Variants in RFX2 observed in about 807,000 individuals in gnomAD.
RFX2 encodes the protein regulatory factor X2, also known as DNA-binding protein RFX2.
In RFX2, 20 loss-of-function variants were observed where a neutral mutation model predicts 87.8. The observed-to-expected ratio is 0.23, with a 90% CI of 0.16 to 0.33. The LOEUF is 0.33. RFX2 is among the 10% of genes least tolerant of loss of function. RFX2 has a pLI of 1.00. For missense variants in RFX2, 767 were observed against 1,012.3 expected (o/e 0.76, Z 3.29); for synonymous variants, 397 against 431.3 (o/e 0.92, Z 0.98).
At chr19:6,043,088 A>T (rs1434186728) in intron 3 of RFX2, among the ~76,000 whole-genome samples, 6 of 152,146 alleles carry the variant, frequency 3.9e-5, no homozygotes, top group Non-Finnish European at 5.9e-5. Context: ...AGGGGTTAAC[A>T]TCTGTTGGGT....
At chr19:6,000,608 T>C (rs2086478155) in intron 15 of RFX2, among the ~76,000 whole-genome samples, 1 of 152,252 alleles carries the variant, frequency 6.6e-6, no homozygotes, top group Non-Finnish European at 1.5e-5. Context: ...GTGATGGTTT[T>C]ATAAAGGCGA....
intron 1 of RFX2, among the ~76,000 whole-genome samples, chr19:6,090,475 A>G (rs1297902610): frequency 6.6e-6 from 1 of 152,062 alleles, no homozygotes; most frequent in Non-Finnish European, 1.5e-5. Flanking sequence ...CAGAAACACA[A>G]ATAAGAACCA....
intron 1 of RFX2, among the ~76,000 whole-genome samples, chr19:6,081,739 G>C (rs2144859940): frequency 6.6e-6 from 1 of 152,264 alleles, no homozygotes; most frequent in East Asian, 1.9e-4. Flanking sequence ...GATCACCTGA[G>C]GTCGGGAGTT....
At chr19:6,019,374 T>G (rs1167000229) in intron 6 of RFX2, among the ~76,000 whole-genome samples, 2 of 152,022 alleles carry the variant, frequency 1.3e-5, no homozygotes, top group Admixed American at 1.3e-4. Context: ...GGAGGCAGTG[T>G]TGCTTTTTTC....
intron 1 of RFX2, among the ~76,000 whole-genome samples, chr19:6,093,398 G>C (rs1020151992): frequency 1.3e-5 from 2 of 152,168 alleles, no homozygotes; most frequent in African/African-American, 2.4e-5. Context: ...TGCCGGGCGT[G>C]GTGGCACATG....
Position 6,013,975 on chromosome 19 carries a change from C to A in RFX2, c.780-870G>T, listed in dbSNP as rs1277227144. Among the ~76,000 whole-genome samples, 1 of 152,170 alleles carries A rather than the reference C, an allele frequency of 6.6e-6. No homozygotes were observed. The highest frequency in any genetic ancestry group is 1.5e-5 in the Non-Finnish European group (1 of 68,028). ...TATTATTAACAACTCTTCCCCACCC[C>A]CTTCAATCATCTAGTAACACGTTTT... On this transcript the variant is annotated intron_variant, in intron 7 of 17. Transcript: ENST00000303657. The surrounding 1 kb of genome is among the most constrained non-coding windows in gnomAD (Gnocchi z 4.1).
chr19:6,007,650 T>G lies in RFX2; in HGVS notation c.1247+40A>C. 2 of 1,257,986 alleles carry G rather than the reference T, an allele frequency of 1.6e-6. No individual in the cohort carries two copies. The highest frequency in any genetic ancestry group is 2.3e-6 in the Non-Finnish European group (2 of 879,656). The allele number at this position is 1,257,986 out of a possible 1,614,324, so 77.9% of individuals were successfully genotyped here. On this transcript the variant is annotated intron_variant, in intron 11 of 17. Coordinates refer to ENST00000303657, the MANE Select transcript of RFX2 (RefSeq NM_000635.4). This position sits in a 1 kb window ranked among gnomAD's most constrained non-coding sequence, Gnocchi z 8.2. ...CTGTGGACGTCAGCAGGGGGTTAAG[T>G]CTGGGGTGGCTGTGAACCCAGCCAG... is the stretch of plus-strand genomic sequence containing the variant.
Position 6,000,616 on chromosome 19 carries a change from C to T in RFX2, c.1859+1199G>A, listed in dbSNP as rs185681534. Among the ~76,000 whole-genome samples, 34 of 152,350 alleles carry T rather than the reference C, an allele frequency of 2.2e-4. No individual in the cohort carries two copies. In the Middle Eastern group the frequency reaches 0.017, roughly 76 times the overall value. ...ATGAGATGTGATGGTTTTATAAAGG[C>T]GAGTTCCCCTGCACATGCTCTCTTG... On this transcript the variant is annotated intron_variant, in intron 15 of 17. Transcript: ENST00000303657.
chr19:6,016,904 C>T lies in RFX2; in HGVS notation c.598-633G>A, dbSNP rs148650446. Among the ~76,000 whole-genome samples, 26 of 152,244 alleles carry T rather than the reference C, an allele frequency of 1.7e-4. No individual in the cohort carries two copies. Among genetic ancestry groups the T allele is most frequent in the African/African-American group, 4.8e-5 (2 of 41,526 alleles). On this transcript the variant is annotated intron_variant, in intron 6 of 17. Coordinates refer to ENST00000303657, the MANE Select transcript of RFX2 (RefSeq NM_000635.4). The surrounding 1 kb of genome is among the most constrained non-coding windows in gnomAD (Gnocchi z 5.4). Reference sequence around the variant, plus strand: ...CACCACACAGGCTTTAACACCAAATCGCTCCCCAACATACAGGAATGGAGA... The same window carrying T: ...CACCACACAGGCTTTAACACCAAATTGCTCCCCAACATACAGGAATGGAGA...
At chr19:6,068,626 C>G (rs1448135327) in intron 1 of RFX2, among the ~76,000 whole-genome samples, 1 of 152,144 alleles carries the variant, frequency 6.6e-6, no homozygotes, top group Admixed American at 6.5e-5. Context: ...TGGGGAAGAG[C>G]GTTCCTAATG....
intron 1 of RFX2, among the ~76,000 whole-genome samples, chr19:6,052,289 C>A (rs1047150773): frequency 1.3e-5 from 2 of 152,060 alleles, no homozygotes; most frequent in African/African-American, 4.8e-5. Flanking sequence ...AGGAATATTA[C>A]TGCAGATAAA....
chr19:6,015,981 T>C (rs1203166190), intron 7 of RFX2, 109 bp downstream of exon 7: 13 of 1,079,730 alleles, frequency 1.2e-5, no homozygotes, highest in East Asian at 2.6e-5. Context: ...CAGAGGTGGC[T>C]GCGAATCAGG....
chr19:6,091,044 G>T (rs2087926416), intron 1 of RFX2, among the ~76,000 whole-genome samples: 1 of 152,192 alleles, frequency 6.6e-6, no homozygotes, highest in Admixed American at 6.5e-5. Context: ...TTTGCCAGGG[G>T]CTGGGAGTAG....
Position 6,013,025 on chromosome 19 carries a change from T to C in RFX2, c.860A>G (p.Tyr287Cys), listed in dbSNP as rs1348669606. 2.5e-6 allele frequency: 4 copies of C among 1,602,498 alleles called. No individual in the cohort carries two copies. In the Admixed American group the frequency reaches 5.2e-5, roughly 21 times the overall value. ...CATGGGCTGCTGCCGCATGGCCATGTACTGCGTGTCCTCCTGCAGCCGGTT... is the reference window on the plus strand; with the variant it reads ...CATGGGCTGCTGCCGCATGGCCATGCACTGCGTGTCCTCCTGCAGCCGGTT... ...PLNRLQEDTQ[Y>C]MAMRQQPMHQ... Residue 287 changes from tyrosine (Y) to cysteine (C), a missense_variant, in exon 8 of 18, where the codon TAC becomes TGC. By Grantham distance (194) the Tyr-to-Cys change is radical. Transcript: ENST00000303657. The surrounding 1 kb of genome is among the most constrained non-coding windows in gnomAD (Gnocchi z 4.1).
chr19:6,019,280 G>T (rs917525884), intron 6 of RFX2, among the ~76,000 whole-genome samples: 8 of 152,132 alleles, frequency 5.3e-5, no homozygotes, highest in African/African-American at 1.9e-4. Context: ...TTTGGGAAAA[G>T]GGACATCAGA....
At chr19:6,078,542 A>C (rs762164095) in intron 1 of RFX2, among the ~76,000 whole-genome samples, 58 of 152,312 alleles carry the variant, frequency 3.8e-4, no homozygotes, top group South Asian at 8.3e-4. Context: ...CCTGGCACAC[A>C]GTAGGCTCTC....
At chr19:6,073,583 A>C in intron 1 of RFX2, 1 of 356,540 alleles carries the variant, frequency 2.8e-6, no homozygotes, top group Non-Finnish European at 5.0e-6. Flanking sequence ...AACTGCAAAA[A>C]GATATATAAA....
rs1024001634 is a variant in RFX2 at position 6,061,860 on chromosome 19, G to A, written c.-8-14356C>T. Among the ~76,000 whole-genome samples the A allele has an allele frequency of 2.6e-5, 4 of 152,098 alleles. No homozygotes were observed. The highest frequency in any genetic ancestry group is 4.8e-5 in the African/African-American group (2 of 41,396). On this transcript the variant is annotated intron_variant, in intron 1 of 17. Transcript: ENST00000303657. This position sits in a 1 kb window ranked among gnomAD's most constrained non-coding sequence, Gnocchi z 5.2. ...ATGATATAGCTGATGTGCCCACCCC[G>A]AGTGTGGATCCCAGCAGGTGCCTGA...
chr19:6,003,991 G>A (rs756232375), intron 13 of RFX2, among the ~76,000 whole-genome samples: 1 of 152,124 alleles, frequency 6.6e-6, no homozygotes, highest in Non-Finnish European at 1.5e-5. Context: ...ACCCAAAGAT[G>A]TGACATCAAA....
Sources: gnomAD v4.1 joint callset for allele counts (sites outside exome capture counted in the v4.1 genomes callset) on GRCh38, gnomAD v4.1.1 for gene constraint, Gnocchi (gnomAD v3.1) non-coding constraint, MANE v1.5 for transcripts, NCBI Gene and HGNC (gene_info 2026-07-23, HGNC 2026-07-21) for gene names.